The following ARHGAP29 variants were observed in gnomAD, a reference collection of about 807,000 sequenced individuals.
ARHGAP29 encodes the protein rho GTPase-activating protein 29.
A neutral mutation model predicts 122.6 loss-of-function variants in ARHGAP29; 43 were observed. The observed-to-expected ratio is 0.35, with a 90% CI of 0.27 to 0.45. The LOEUF (loss-of-function observed/expected upper bound fraction) is 0.45. Ranked by LOEUF, ARHGAP29 falls within the 20% of genes least tolerant of loss-of-function variation. ARHGAP29 has a pLI of 1.00. For missense variants in ARHGAP29, 1,303 were observed against 1,477.2 expected (o/e 0.88, Z 1.93); for synonymous variants, 506 against 497.1 (o/e 1.02, Z -0.24).
At chr1:94,310,820 G>A in the ARHGAP29 span, among the ~76,000 whole-genome samples, 2 of 152,082 alleles carry the variant, frequency 1.3e-5, no homozygotes, top group Non-Finnish European at 1.5e-5. Context: ...CCCAGGCATG[G>A]GACAGGGCAG....
intron 12 of ARHGAP29, chr1:94,191,941 A>C (rs998250806): frequency 6.6e-6 from 1 of 152,186 alleles, no homozygotes; most frequent in Non-Finnish European, 1.5e-5. Flanking sequence ...AGCTTAATAC[A>C]CTGGCAGGTA....
chr1:94,179,844 T>G lies in ARHGAP29; in HGVS notation c.2361A>C (p.Lys787Asn). The change falls in exon 20 of 23, where the codon AAA becomes AAC. Residue 787 changes from lysine to asparagine, a missense_variant. By Grantham distance (94) the Lys-to-Asn change is moderately conservative. Coordinates refer to ENST00000260526, the MANE Select transcript of ARHGAP29 (RefSeq NM_004815.4). ...TTTCTATACACATATTTGGCCATTT[T>G]TTGTCTTCAAGACTATTCTTTTTTG... ...QETKKNSLED[K>N]KWPNMCIEIN... 2 of 1,613,522 alleles carry G rather than the reference T, an allele frequency of 1.2e-6. No individual in the cohort carries two copies. Among genetic ancestry groups the G allele is most frequent in the Non-Finnish European group, 1.7e-6 (2 of 1,179,728 alleles).
the ARHGAP29 span, among the ~76,000 whole-genome samples, chr1:94,287,396 A>G: frequency 9.2e-5 from 14 of 152,162 alleles, no homozygotes; most frequent in Non-Finnish European, 1.6e-4. Flanking sequence ...CTTTCCTGCT[A>G]TGAAGAAGTT....
In ARHGAP29 at chr1:94,173,763, G is replaced by T; in HGVS notation, c.*106C>A. ...CAACAAAAGGCAAAACCCATGATTTGGCAGTCCTATACAAAAGAGGCCCTG... is the reference window on the plus strand; with the variant it reads ...CAACAAAAGGCAAAACCCATGATTTTGCAGTCCTATACAAAAGAGGCCCTG... On this transcript the variant is annotated 3_prime_UTR_variant, in exon 23 of 23. Transcript: ENST00000260526. 1.5e-6 allele frequency: 2 copies of T among 1,352,716 alleles called. No homozygotes were observed. The highest frequency in any genetic ancestry group is 2.0e-6 in the Non-Finnish European group (2 of 999,254). 83.8% of individuals were successfully genotyped at this position (1,352,716 alleles called of 1,614,324 possible).
intron 1 of ARHGAP29, among the ~76,000 whole-genome samples, chr1:94,274,674 A>G (rs1655117156): frequency 1.3e-5 from 2 of 152,222 alleles, no homozygotes; most frequent in Admixed American, 1.3e-4. Flanking sequence ...ACATAGCAAA[A>G]GGGCAACAAA....
intron 2 of ARHGAP29, among the ~76,000 whole-genome samples, chr1:94,229,612 C>G (rs4847201): frequency 0.88 from 134,022 of 151,666 alleles, 59,430 homozygotes; most frequent in Non-Finnish European, 0.92. Context: ...TAATTAATTT[C>G]CTGGCCATAA....
At chr1:94,295,767 TCC>T in the ARHGAP29 span, among the ~76,000 whole-genome samples, 1 of 152,030 alleles carries the variant, frequency 6.6e-6, no homozygotes, top group Admixed American at 6.5e-5. Context: ...ATCTTCTAAT[TCC>T]ACACAATGTG....
At chr1:94,206,725 C>G (rs1651215285) in intron 5 of ARHGAP29, among the ~76,000 whole-genome samples, 1 of 151,692 alleles carries the variant, frequency 6.6e-6, no homozygotes, top group Non-Finnish European at 1.5e-5. Context: ...GGAGAAACCC[C>G]ATCTCTACTA....
the ARHGAP29 span, among the ~76,000 whole-genome samples, chr1:94,286,637 C>T: frequency 6.6e-6 from 1 of 152,110 alleles, no homozygotes. Flanking sequence ...CACTGCACTC[C>T]AGCCTGGGTG....
chr1:94,279,611 G>T (rs556743271), upstream of ARHGAP29, among the ~76,000 whole-genome samples: 2 of 152,206 alleles, frequency 1.3e-5, no homozygotes, highest in Non-Finnish European at 2.9e-5. Flanking sequence ...GCCTGAGTAG[G>T]CCTTTAGCCC....
rs1218677122 is a variant in ARHGAP29, at chr1:94,171,825, A to AG, written c.*2043_*2044insC. ...ACCTTTGGGTGGGCTCCATATATTA[A>AG]AAGAGAACTGAAGAAGTTTAAAAGT... On this transcript the variant is annotated 3_prime_UTR_variant, in exon 23 of 23. Coordinates refer to ENST00000260526, the MANE Select transcript of ARHGAP29 (RefSeq NM_004815.4). The AG allele has an allele frequency of 6.6e-6, 1 of 152,164 alleles. No homozygotes were observed. Among genetic ancestry groups the AG allele is most frequent in the Non-Finnish European group, 1.5e-5 (1 of 68,034 alleles). The allele number at this position is 152,164 out of a possible 1,614,324, so 9.4% of individuals were successfully genotyped here.
chr1:94,184,390 T>C, intron 18 of ARHGAP29, 102 bp from the exon 19 acceptor site: 3 of 839,464 alleles, frequency 3.6e-6, no homozygotes, highest in Non-Finnish European at 5.4e-6. Flanking sequence ...TCACTCTATT[T>C]CAAATTTTAT....
At chr1:94,241,803 A>T (rs1175569152), upstream of ARHGAP29, among the ~76,000 whole-genome samples, 1 of 149,950 alleles carries the variant, frequency 6.7e-6, no homozygotes, top group Non-Finnish European at 1.5e-5. Context: ...TGTAGTAAAC[A>T]ACTAGAAAAA....
rs768672341 is a variant in ARHGAP29 at position 94,201,711 on chromosome 1, A to G, written c.1281+9T>C. On this transcript the variant is annotated intron_variant, in intron 12 of 22. Coordinates refer to ENST00000260526, the MANE Select transcript of ARHGAP29 (RefSeq NM_004815.4). ...TTCTTGCCTTCAAAATACTGAAGAA[A>G]TTACTTACAGCTTTAAGGGTAAGAT... The G allele has an allele frequency of 6.2e-7, 1 of 1,613,252 alleles. No individual in the cohort carries two copies. The highest frequency in any genetic ancestry group is 1.7e-5 in the Admixed American group (1 of 59,884).
chr1:94,174,823 C>T (rs1648990933), intron 22 of ARHGAP29, 74 bp from the exon 23 acceptor site: 8 of 1,460,922 alleles, frequency 5.5e-6, no homozygotes, highest in Middle Eastern at 1.8e-4. Context: ...TAGAGATGAA[C>T]ACTCTATCAA....
At chr1:94,229,501 T>C (rs1344690362) in intron 2 of ARHGAP29, among the ~76,000 whole-genome samples, 1 of 151,738 alleles carries the variant, frequency 6.6e-6, no homozygotes, top group Non-Finnish European at 1.5e-5. Flanking sequence ...TTGATAACGA[T>C]ATTTCAAAGA....
Position 94,169,494 on chromosome 1 carries a change from G to C in ARHGAP29, c.*4375C>G, listed in dbSNP as rs1238894509. 6.6e-6 allele frequency among the ~76,000 whole-genome samples: 1 copy of C among 152,174 alleles called. No homozygotes were observed. Among genetic ancestry groups the C allele is most frequent in the African/African-American group, 2.4e-5 (1 of 41,436 alleles). On this transcript the variant is annotated 3_prime_UTR_variant, in exon 23 of 23. Coordinates refer to ENST00000260526, the MANE Select transcript of ARHGAP29 (RefSeq NM_004815.4). The stretch of plus-strand genomic sequence containing the variant: ...TGGGAGTCAGGTTTCTATGAGAGAA[G>C]GAAGTTACAAAGATGGAAAGGGAGA...
intron 18 of ARHGAP29, among the ~76,000 whole-genome samples, chr1:94,184,607 A>C (rs1649678627): frequency 6.6e-6 from 1 of 151,522 alleles, no homozygotes; most frequent in Non-Finnish European, 1.5e-5. Context: ...TTTTTTAATT[A>C]GCCAGGCGTG....
chr1:94,246,259 G>T (rs1286799244), intron 1 of ARHGAP29, among the ~76,000 whole-genome samples: 1 of 152,114 alleles, frequency 6.6e-6, no homozygotes, highest in Admixed American at 6.5e-5. Flanking sequence ...GGCAAACTGC[G>T]TAAAGAAATC....
Sources: gnomAD v4.1 joint callset for allele counts (sites outside exome capture counted in the v4.1 genomes callset) on GRCh38, gnomAD v4.1.1 for gene constraint, MANE v1.5 for transcripts, NCBI Gene and HGNC (gene_info 2026-07-23, HGNC 2026-07-21) for gene names.